Variants in BANK1 observed in about 807,000 individuals in gnomAD.
BANK1 encodes the protein B cell scaffold protein with ankyrin repeats 1, also known as B-cell scaffold protein with ankyrin repeats.
A neutral mutation model predicts 94.5 loss-of-function variants in BANK1; 95 were observed. The observed-to-expected ratio is 1.00, with a 90% CI of 0.85 to 1.19. BANK1 has a LOEUF of 1.19. Ranked by LOEUF, BANK1 falls within the 50% of genes most tolerant of loss-of-function variation. BANK1 has a pLI of 0.00. For synonymous variants in BANK1, 334 were observed against 308.4 expected (o/e 1.08, Z -0.87); for missense variants, 987 against 932.2 (o/e 1.06, Z -0.77).
At chr4:102,052,113 C>CTTTTT (rs199811166) in intron 11 of BANK1, among the ~76,000 whole-genome samples, 8 of 103,990 alleles carry the variant, frequency 7.7e-5, no homozygotes, top group Non-Finnish European at 1.1e-4. Flanking sequence ...TTCTTTTTTT[C>CTTTTT]TTTTTTTTTT....
chr4:101,964,609 A>C (rs1724683345), intron 7 of BANK1, among the ~76,000 whole-genome samples: 2 of 152,078 alleles, frequency 1.3e-5, no homozygotes, highest in South Asian at 2.1e-4. Context: ...ATTTATATTA[A>C]AAGCTATAAC....
intron 7 of BANK1, among the ~76,000 whole-genome samples, chr4:101,966,018 A>T (rs1272067660): frequency 6.6e-6 from 1 of 152,114 alleles, no homozygotes. Flanking sequence ...TGCCATGAGA[A>T]CATTTGTTTT....
At chr4:101,831,196 A>G (rs1174698527) in intron 2 of BANK1, among the ~76,000 whole-genome samples, 2 of 152,104 alleles carry the variant, frequency 1.3e-5, no homozygotes, top group East Asian at 3.9e-4. Context: ...CTTTTTCCGG[A>G]CAAACTCTGG....
chr4:101,801,517 T>G (rs954242229), intron 1 of BANK1, among the ~76,000 whole-genome samples: 3 of 152,222 alleles, frequency 2.0e-5, no homozygotes, highest in Admixed American at 6.5e-5. Context: ...ATGAGATTAC[T>G]CTCATAAAAA....
intron 1 of BANK1, among the ~76,000 whole-genome samples, chr4:101,816,509 T>A (rs904535995): frequency 6.6e-6 from 1 of 151,808 alleles, no homozygotes; most frequent in African/African-American, 2.4e-5. Flanking sequence ...CACTTTGGAC[T>A]GGTGCTGGCA....
chr4:102,002,032 T>G (rs1726095307), intron 7 of BANK1, among the ~76,000 whole-genome samples: 1 of 152,202 alleles, frequency 6.6e-6, no homozygotes, highest in Non-Finnish European at 1.5e-5. Context: ...CGGCAGCCTG[T>G]CTCCCAACAC....
At chr4:101,838,978 A>G (rs1415309096) in intron 2 of BANK1, among the ~76,000 whole-genome samples, 2 of 152,238 alleles carry the variant, frequency 1.3e-5, no homozygotes, top group Non-Finnish European at 2.9e-5. Context: ...CCATATTTTT[A>G]TATTTCACAC....
intron 6 of BANK1, among the ~76,000 whole-genome samples, chr4:101,905,454 T>G (rs1191809095): frequency 1.3e-5 from 2 of 152,244 alleles, no homozygotes; most frequent in Non-Finnish European, 2.9e-5. Flanking sequence ...GGTTCCCATC[T>G]TTATCAAACT....
At chr4:101,894,371 T>G (rs1315264304) in intron 5 of BANK1, among the ~76,000 whole-genome samples, 1 of 152,094 alleles carries the variant, frequency 6.6e-6, no homozygotes, top group African/African-American at 2.4e-5. Context: ...TTTTCACTTC[T>G]TAGCACGACT....
In BANK1 at chr4:101,862,664, G is replaced by T. The variant is rs1020905403; in HGVS notation, c.763G>T (p.Glu255Ter). 7 of 1,593,570 alleles carry T rather than the reference G, an allele frequency of 4.4e-6. No homozygotes were observed. Among genetic ancestry groups the T allele is most frequent in the Non-Finnish European group, 6.0e-6 (7 of 1,172,754 alleles). ...NKKVWCMKAL[E>*]FPAGSVHVNV... ...GAAAGTCTGGTGCATGAAAGCTTTA[G>T]GTAAGAATGTTTATGATTTAATAAG... The change falls in exon 4 of 17, where the codon GAG (glutamate) becomes TAG (stop). Residue 255 changes from glutamate (E) to a stop codon, truncating the protein, a stop_gained and splice_region_variant. Coordinates refer to ENST00000322953, the MANE Select transcript of BANK1 (RefSeq NM_017935.5). LOFTEE classifies it high-confidence loss of function.
chr4:102,024,501 A>G (rs1344147903), intron 8 of BANK1, among the ~76,000 whole-genome samples: 1 of 152,072 alleles, frequency 6.6e-6, no homozygotes, highest in East Asian at 1.9e-4. Flanking sequence ...TAATATAAAA[A>G]CAAATAATGG....
intron 11 of BANK1, among the ~76,000 whole-genome samples, chr4:102,050,926 T>C (rs1046726552): frequency 1.3e-5 from 2 of 152,202 alleles, no homozygotes; most frequent in African/African-American, 4.8e-5. Flanking sequence ...GTTTATGAGC[T>C]TGTAACCCCT....
At chr4:101,792,255 T>TCCCCCCCCCCCCCCCCCCCCCCCCAC (rs771698917) in intron 1 of BANK1, among the ~76,000 whole-genome samples, 1 of 128,662 alleles carries the variant, frequency 7.8e-6, no homozygotes, top group African/African-American at 2.8e-5. Flanking sequence ...TGCATTCCGC[T>TCCCCCCCCCCCCCCCCCCCCCCCCAC]CCCCCCCCGC....
chr4:102,045,582 G>T (rs377388016), intron 11 of BANK1, among the ~76,000 whole-genome samples: 3 of 152,020 alleles, frequency 2.0e-5, no homozygotes, highest in Non-Finnish European at 4.4e-5. Context: ...CTGATAAGCA[G>T]CTTCAGCAAA....
chr4:101,978,496 C>A (rs1183630388), intron 7 of BANK1, among the ~76,000 whole-genome samples: 3 of 151,956 alleles, frequency 2.0e-5, no homozygotes, highest in African/African-American at 7.2e-5. Flanking sequence ...TGAAGGTAGT[C>A]CCCTATTCCA....
intron 7 of BANK1, among the ~76,000 whole-genome samples, chr4:101,918,417 T>C (rs891524806): frequency 6.6e-6 from 1 of 151,988 alleles, no homozygotes; most frequent in Non-Finnish European, 1.5e-5. Flanking sequence ...TAAATTTGTT[T>C]TCCTTAAGTG....
intron 7 of BANK1, among the ~76,000 whole-genome samples, chr4:101,974,593 C>T (rs566312050): frequency 6.6e-6 from 1 of 152,154 alleles, no homozygotes; most frequent in East Asian, 1.9e-4. Context: ...AGATTTTTGC[C>T]AGTAATGTTA....
intron 1 of BANK1, among the ~76,000 whole-genome samples, chr4:101,815,754 A>G (rs1027499148): frequency 4.0e-5 from 6 of 151,418 alleles, no homozygotes; most frequent in East Asian, 1.9e-4. Flanking sequence ...TTTAAATCCA[A>G]TTTTATGATT....
chr4:101,981,453 G>A (rs993729128), intron 7 of BANK1, among the ~76,000 whole-genome samples: 3 of 152,020 alleles, frequency 2.0e-5, no homozygotes, highest in African/African-American at 7.2e-5. Context: ...TTCTCGTAAT[G>A]TGCTGACGGC....
Sources: allele counts gnomAD v4.1 joint callset (sites outside exome capture counted in the v4.1 genomes callset), GRCh38; gene constraint gnomAD v4.1.1; transcripts MANE v1.5; gene names NCBI Gene and HGNC (gene_info 2026-07-23, HGNC 2026-07-21).